GRK5: variants seen among roughly 807,000 people sequenced by gnomAD.
The protein encoded by GRK5 is G protein-coupled receptor kinase 5, also known as g protein-coupled receptor kinase GRK5.
GRK5 carries 40 observed loss-of-function variants against 78.4 expected under a neutral mutation model. The ratio of observed to expected loss-of-function variants is 0.51; its 90% CI spans 0.40 to 0.66. The LOEUF (loss-of-function observed/expected upper bound fraction) is 0.66, where lower values mean the gene tolerates loss of function less well. Among genes scored for constraint, GRK5 ranks in the 30% least tolerant of loss-of-function variants. The probability of loss-of-function intolerance (pLI) is 0.00; values close to 1 mark genes in which losing one functional copy is unlikely to be tolerated. For missense variants in GRK5, 598 were observed against 759.9 expected (o/e 0.79, Z 2.50); for synonymous variants, 289 against 296.8 (o/e 0.97, Z 0.27).
At chr10:119,425,982 C>T (rs779118108) in intron 6 of GRK5, among the ~76,000 whole-genome samples, 73 of 152,290 alleles carry the variant, frequency 4.8e-4, no homozygotes, top group African/African-American at 1.6e-3. Context: ...CAGAGCGGGG[C>T]GATGCCTGTG....
chr10:119,241,394 C>G (rs78340899), intron 1 of GRK5, among the ~76,000 whole-genome samples: 1 of 152,298 alleles, frequency 6.6e-6, no homozygotes, highest in Non-Finnish European at 1.5e-5. Flanking sequence ...GCCCTGTCAG[C>G]AACTGACAGG....
At chr10:119,323,917 C>G (rs560528564) in intron 1 of GRK5, among the ~76,000 whole-genome samples, 5 of 152,212 alleles carry the variant, frequency 3.3e-5, no homozygotes, top group African/African-American at 1.2e-4. Flanking sequence ...CATCTGAGCT[C>G]CTGGGAATCT....
intron 5 of GRK5, among the ~76,000 whole-genome samples, chr10:119,424,129 C>A (rs1468115517): frequency 1.3e-5 from 2 of 152,160 alleles, no homozygotes; most frequent in African/African-American, 4.8e-5. Flanking sequence ...AGCTTGGTTG[C>A]TGCTCTCTTG....
At chr10:119,414,923 A>T (rs1297279305) in intron 4 of GRK5, among the ~76,000 whole-genome samples, 1 of 151,848 alleles carries the variant, frequency 6.6e-6, no homozygotes, top group Non-Finnish European at 1.5e-5. Flanking sequence ...CTCTACTAAA[A>T]ATACAAAAAT....
intron 2 of GRK5, among the ~76,000 whole-genome samples, chr10:119,329,705 G>C (rs1447876568): frequency 2.7e-5 from 4 of 150,384 alleles, no homozygotes; most frequent in African/African-American, 1.0e-4. Flanking sequence ...ACTGCAGCTT[G>C]GGGAACTAGA....
intron 2 of GRK5, among the ~76,000 whole-genome samples, chr10:119,356,057 C>T (rs1215265168): frequency 6.6e-6 from 1 of 152,142 alleles, no homozygotes; most frequent in African/African-American, 2.4e-5. Context: ...GCCTAAGAAC[C>T]CTGATCTGGA....
At position 119,254,890 on chromosome 10, in the gene GRK5, A is replaced by G. The variant is rs113072562; in HGVS notation, c.52+46921A>G. Reference sequence around the variant, plus strand: ...GCCAATGTGGTGAAACCCCATCTCTACTAAAAATGCAAAAGTTAGCTGGGC... The same window carrying G: ...GCCAATGTGGTGAAACCCCATCTCTGCTAAAAATGCAAAAGTTAGCTGGGC... On this transcript the variant is annotated intron_variant, in intron 1 of 15. Coordinates refer to ENST00000392870, the MANE Select transcript of GRK5 (RefSeq NM_005308.3). Among the ~76,000 whole-genome samples the G allele has an allele frequency of 5.1e-3, 777 of 152,154 alleles. 8 individuals carry two copies. Among genetic ancestry groups the G allele is most frequent in the African/African-American group, 0.018 (741 of 41,506 alleles).
intron 1 of GRK5, among the ~76,000 whole-genome samples, chr10:119,244,350 A>C (rs1432518348): frequency 6.6e-6 from 1 of 152,270 alleles, no homozygotes; most frequent in Non-Finnish European, 1.5e-5. Context: ...GTTAAGATGC[A>C]AAATATATAA....
chr10:119,439,017 G>C (rs1301792005), intron 9 of GRK5, among the ~76,000 whole-genome samples: 1 of 152,214 alleles, frequency 6.6e-6, no homozygotes, highest in African/African-American at 2.4e-5. Context: ...TTGCCCCATG[G>C]CTTAACTGAG....
chr10:119,276,202 G>T (rs1436217242), intron 1 of GRK5, among the ~76,000 whole-genome samples: 1 of 152,034 alleles, frequency 6.6e-6, no homozygotes, highest in Non-Finnish European at 1.5e-5. Flanking sequence ...GTGCCATGCT[G>T]GTGTGCTGCA....
chr10:119,428,116 A>G (rs1184411876), intron 6 of GRK5, among the ~76,000 whole-genome samples: 3 of 152,242 alleles, frequency 2.0e-5, no homozygotes, highest in Non-Finnish European at 4.4e-5. Context: ...CGCCATGCCC[A>G]CGCCCGGTTC....
chr10:119,210,488 A>C (rs1240854895), intron 1 of GRK5, among the ~76,000 whole-genome samples: 2 of 152,168 alleles, frequency 1.3e-5, no homozygotes, highest in Non-Finnish European at 2.9e-5. Flanking sequence ...CAGTTCTCAT[A>C]TATTTGAATT....
intron 12 of GRK5, among the ~76,000 whole-genome samples, chr10:119,446,074 G>A (rs138454787): frequency 4.6e-5 from 7 of 152,138 alleles, no homozygotes; most frequent in East Asian, 3.9e-4. Flanking sequence ...CCTTTCAGCC[G>A]TCTTGGTCTC....
At chr10:119,243,945 C>T (rs1490984570) in intron 1 of GRK5, among the ~76,000 whole-genome samples, 1 of 152,214 alleles carries the variant, frequency 6.6e-6, no homozygotes, top group Admixed American at 6.5e-5. Context: ...CATAATCTGA[C>T]CCAGAGGTGT....
chr10:119,290,360 A>C (rs1047353626), intron 1 of GRK5, among the ~76,000 whole-genome samples: 8 of 142,118 alleles, frequency 5.6e-5, no homozygotes, highest in African/African-American at 2.2e-4. Flanking sequence ...AAAAAAAAAA[A>C]AAACAAAAAA....
At chr10:119,224,060 C>A (rs1045251712) in intron 1 of GRK5, among the ~76,000 whole-genome samples, 1 of 152,162 alleles carries the variant, frequency 6.6e-6, no homozygotes, top group Non-Finnish European at 1.5e-5. Context: ...ACTCCCAAGC[C>A]AGGAAGATCA....
chr10:119,211,240 GA>G (rs771270915), intron 1 of GRK5, among the ~76,000 whole-genome samples: 19 of 152,172 alleles, frequency 1.2e-4, no homozygotes, highest in Non-Finnish European at 2.5e-4. Context: ...AGGAAAAAAA[GA>G]AAGAAGTTGA....
chr10:119,419,830 CA>C (rs1852533602), intron 4 of GRK5, among the ~76,000 whole-genome samples: 1 of 152,244 alleles, frequency 6.6e-6, no homozygotes, highest in East Asian at 1.9e-4. Flanking sequence ...CCCCAGCTCA[CA>C]ATGACCCCTC....
chr10:119,375,370 C>T (rs931232109), intron 2 of GRK5, among the ~76,000 whole-genome samples: 2 of 152,180 alleles, frequency 1.3e-5, no homozygotes, highest in Non-Finnish European at 2.9e-5. Context: ...AGCTTCTCCC[C>T]CTGCCTGCAT....
Sources: gnomAD v4.1 joint callset for allele counts (sites outside exome capture counted in the v4.1 genomes callset) on GRCh38, gnomAD v4.1.1 for gene constraint, MANE v1.5 for transcripts, NCBI Gene and HGNC (gene_info 2026-07-23, HGNC 2026-07-21) for gene names.